RORA: variants seen among roughly 807,000 people sequenced by gnomAD.
The protein encoded by RORA is RAR related orphan receptor A, also known as nuclear receptor ROR-alpha.
RORA carries 7 observed loss-of-function variants against 69.5 expected under a neutral mutation model. That is an observed-to-expected ratio of 0.10 (90% CI 0.06 to 0.19). The LOEUF (loss-of-function observed/expected upper bound fraction) is 0.19, where lower values mean the gene tolerates loss of function less well. Among genes scored for constraint, RORA ranks in the 10% least tolerant of loss-of-function variants. RORA has a pLI of 1.00. For missense variants in RORA, 457 were observed against 663.0 expected (o/e 0.69, Z 3.41); for synonymous variants, 261 against 240.8 (o/e 1.08, Z -0.78).
intron 2 of RORA, among the ~76,000 whole-genome samples, chr15:60,532,422 G>C (rs904181287): frequency 2.0e-5 from 3 of 152,182 alleles, no homozygotes; most frequent in Non-Finnish European, 4.4e-5. Context: ...TTCAACCATA[G>C]AGTTAATATC....
At chr15:60,770,973 C>T (rs1297581423) in intron 1 of RORA, among the ~76,000 whole-genome samples, 3 of 152,160 alleles carry the variant, frequency 2.0e-5, no homozygotes, top group African/African-American at 7.2e-5. Context: ...AAGTATGTCA[C>T]ATGCAATATT....
At chr15:61,153,447 A>T (rs1018168417) in intron 1 of RORA, among the ~76,000 whole-genome samples, 1 of 152,184 alleles carries the variant, frequency 6.6e-6, no homozygotes, top group Non-Finnish European at 1.5e-5. Context: ...AGCCCAACAC[A>T]TTCAGAGAGA....
chr15:61,102,638 C>T (rs757389623), intron 1 of RORA, among the ~76,000 whole-genome samples: 28 of 152,348 alleles, frequency 1.8e-4, no homozygotes, highest in Admixed American at 5.9e-4. Flanking sequence ...TGTGTACCCA[C>T]AACTTCCTGG....
chr15:60,863,927 C>A (rs1028690773), intron 1 of RORA, among the ~76,000 whole-genome samples: 9 of 152,266 alleles, frequency 5.9e-5, no homozygotes, highest in Non-Finnish European at 8.8e-5. Context: ...CTTCCTCAGC[C>A]TCCCAAGAAG....
intron 1 of RORA, among the ~76,000 whole-genome samples, chr15:61,211,423 A>G (rs946040803): frequency 6.6e-6 from 1 of 152,202 alleles, no homozygotes; most frequent in Non-Finnish European, 1.5e-5. Flanking sequence ...TTTAGAAGAC[A>G]CTGGCATCCC....
At chr15:60,801,990 A>G (rs979260293) in intron 1 of RORA, among the ~76,000 whole-genome samples, 4 of 152,228 alleles carry the variant, frequency 2.6e-5, no homozygotes, top group African/African-American at 4.8e-5. Flanking sequence ...GTGGAAAATG[A>G]TGGCTGAGAG....
At chr15:60,529,904 G>T (rs1224387100) in intron 3 of RORA, 3 of 152,110 alleles carry the variant, frequency 2.0e-5, no homozygotes, top group African/African-American at 7.2e-5. Flanking sequence ...TTGCCTTACT[G>T]ACAGATTCAG....
At chr15:60,744,810 C>T (rs1477895200) in intron 1 of RORA, among the ~76,000 whole-genome samples, 2 of 152,226 alleles carry the variant, frequency 1.3e-5, no homozygotes, top group African/African-American at 2.4e-5. Flanking sequence ...TTCTCCTCTA[C>T]TCCTTCCTGG....
rs556277161 is a variant in RORA at position 60,921,622 on chromosome 15, T to C, written c.167-242936A>G. ...GGCGATGTGTTCACCTACAAATTCA[T>C]TGAGCTGCACAAATATGATCTGTGC... On this transcript the variant is annotated intron_variant, in intron 1 of 10. Transcript: ENST00000335670. Among the ~76,000 whole-genome samples the C allele has an allele frequency of 1.6e-4, 25 of 152,322 alleles. No homozygotes were observed. In the South Asian group the frequency reaches 4.4e-3, roughly 27 times the overall value.
At chr15:60,743,261 C>T (rs1475674323) in intron 1 of RORA, among the ~76,000 whole-genome samples, 3 of 151,944 alleles carry the variant, frequency 2.0e-5, no homozygotes, top group East Asian at 1.9e-4. Flanking sequence ...GTGATCCGAC[C>T]GCCTCGGCCT....
intron 1 of RORA, among the ~76,000 whole-genome samples, chr15:60,716,782 C>T (rs906162470): frequency 2.6e-5 from 4 of 152,128 alleles, no homozygotes; most frequent in African/African-American, 9.7e-5. Context: ...CATAAAAACC[C>T]AGGAGGGCTG....
intron 1 of RORA, among the ~76,000 whole-genome samples, chr15:60,997,960 G>A (rs192066002): frequency 3.9e-5 from 6 of 152,332 alleles, no homozygotes; most frequent in South Asian, 2.1e-4. Flanking sequence ...TTTATGGAGA[G>A]AGTGAGCCAC....
intron 1 of RORA, among the ~76,000 whole-genome samples, chr15:61,066,067 C>G (rs983442508): frequency 5.3e-5 from 8 of 152,150 alleles, no homozygotes; most frequent in African/African-American, 1.9e-4. Context: ...GAGAAATTTA[C>G]TAATGCGTCT....
intron 1 of RORA, among the ~76,000 whole-genome samples, chr15:60,886,996 C>A (rs1006472422): frequency 1.3e-5 from 2 of 152,202 alleles, no homozygotes; most frequent in African/African-American, 4.8e-5. Flanking sequence ...CTCTTGTGCT[C>A]CTCGGCTACA....
intron 1 of RORA, among the ~76,000 whole-genome samples, chr15:61,165,336 G>C (rs1385341774): frequency 6.6e-6 from 1 of 152,148 alleles, no homozygotes; most frequent in Non-Finnish European, 1.5e-5. Context: ...CTTCTCAACA[G>C]TTCAAAAGTG....
chr15:60,509,268 C>T (rs1362237542), intron 5 of RORA, among the ~76,000 whole-genome samples: 2 of 152,204 alleles, frequency 1.3e-5, no homozygotes, highest in African/African-American at 2.4e-5. Flanking sequence ...TATATACTTT[C>T]CAGATAAATG....
At chr15:60,727,787 G>T (rs899082607) in intron 1 of RORA, among the ~76,000 whole-genome samples, 21 of 152,184 alleles carry the variant, frequency 1.4e-4, no homozygotes, top group Admixed American at 6.5e-4. Context: ...GATCCCATGA[G>T]ATCCCTGGGG....
intron 1 of RORA, among the ~76,000 whole-genome samples, chr15:61,102,481 T>C (rs2078893732): frequency 6.6e-6 from 1 of 152,238 alleles, no homozygotes; most frequent in African/African-American, 2.4e-5. Flanking sequence ...CTTTCGTTTT[T>C]GCTCTGTATT....
intron 3 of RORA, among the ~76,000 whole-genome samples, chr15:60,515,993 A>T (rs1285143103): frequency 1.6e-4 from 1 of 6,198 alleles, no homozygotes; most frequent in African/African-American, 6.1e-4. Context: ...ATATATATTT[A>T]TATATATTTA....
Sources: allele counts gnomAD v4.1 joint callset (sites outside exome capture counted in the v4.1 genomes callset), GRCh38; gene constraint gnomAD v4.1.1; transcripts MANE v1.5; gene names NCBI Gene and HGNC (gene_info 2026-07-23, HGNC 2026-07-21).